RBFOX1: variants seen among roughly 807,000 people sequenced by gnomAD.
The protein encoded by RBFOX1 is RNA binding fox-1 homolog 1.
Under a neutral mutation model 57.7 loss-of-function variants are expected in RBFOX1, and 8 were observed. The observed-to-expected ratio is 0.14, with a 90% CI of 0.08 to 0.25. The LOEUF is 0.25. Among genes scored for constraint, RBFOX1 ranks in the 10% least tolerant of loss-of-function variants. The probability of loss-of-function intolerance (pLI) is 1.00; values close to 1 mark genes in which losing one functional copy is unlikely to be tolerated. For synonymous variants in RBFOX1, 326 were observed against 222.4 expected (o/e 1.47, Z -4.15); for missense variants, 611 against 548.5 (o/e 1.11, Z -1.14).
chr16:6,516,471 A>G (rs2096380516), intron 2 of RBFOX1, among the ~76,000 whole-genome samples: 1 of 152,194 alleles, frequency 6.6e-6, no homozygotes, highest in South Asian at 2.1e-4. Context: ...TGTTGTTAAG[A>G]TTATTTTATG....
intron 5 of RBFOX1, among the ~76,000 whole-genome samples, 161 bp from the exon 6 acceptor site, chr16:7,579,616 C>T (rs2093598721): frequency 6.6e-6 from 1 of 152,202 alleles, no homozygotes; most frequent in Non-Finnish European, 1.5e-5. Context: ...GCTCAGAAAA[C>T]ACTTGCTGAA....
At chr16:6,414,794 G>A (rs936038101) in intron 2 of RBFOX1, among the ~76,000 whole-genome samples, 1 of 152,154 alleles carries the variant, frequency 6.6e-6, no homozygotes, top group South Asian at 2.1e-4. Context: ...ATTTGGCAAT[G>A]TCTGTCTTGA....
At chr16:5,339,084 G>A (rs961566105) in intron 1 of RBFOX1, among the ~76,000 whole-genome samples, 2 of 151,666 alleles carry the variant, frequency 1.3e-5, no homozygotes, top group African/African-American at 2.4e-5. Context: ...CAGTTACCAC[G>A]ATGTACAGTA....
intron 4 of RBFOX1, among the ~76,000 whole-genome samples, chr16:5,990,374 A>G (rs144785059): frequency 4.4e-4 from 67 of 152,362 alleles, no homozygotes; most frequent in Non-Finnish European, 8.2e-4. Context: ...ACAACATTAT[A>G]TACCATAGGC....
chr16:6,849,516 A>C lies in RBFOX1; in HGVS notation c.-16+194866A>C, dbSNP rs145231698. On this transcript the variant is annotated intron_variant, in intron 3 of 15. Transcript: ENST00000550418. ...AACCCTATCTCTACTAAACAATACA[A>C]AAATTAGCTGGGTATGGTGGTGCAT... Among the ~76,000 whole-genome samples, 593 of 152,226 alleles carry C rather than the reference A, an allele frequency of 3.9e-3. 4 individuals carry two copies. The highest frequency in any genetic ancestry group is 0.02 in the Middle Eastern group (6 of 294).
rs1368532253 is a variant in RBFOX1 at position 5,947,496 on chromosome 16, A to C, written c.351+80161A>C. The stretch of plus-strand genomic sequence containing the variant: ...CATTTTCCTGCCTCTGCCAGTTTTT[A>C]AAATTTTTAGAGACAGGGGTCTCTG... On this transcript the variant is annotated intron_variant, in intron 4 of 19. Coordinates refer to the RBFOX1 transcript ENST00000641259. This position sits in a 1 kb window ranked among gnomAD's most constrained non-coding sequence, Gnocchi z 7.2. Among the ~76,000 whole-genome samples the C allele has an allele frequency of 6.6e-6, 1 of 152,140 alleles. No homozygotes were observed. Among genetic ancestry groups the C allele is most frequent in the African/African-American group, 2.4e-5 (1 of 41,492 alleles).
chr16:6,168,641 T>C (rs1021344363), intron 1 of RBFOX1, among the ~76,000 whole-genome samples: 3 of 152,288 alleles, frequency 2.0e-5, no homozygotes, highest in Non-Finnish European at 2.9e-5. Flanking sequence ...CCTTTAGAAC[T>C]TTCTGATACC....
At chr16:5,282,927 G>A (rs1427340923) in intron 1 of RBFOX1, among the ~76,000 whole-genome samples, 1 of 152,200 alleles carries the variant, frequency 6.6e-6, no homozygotes, top group Non-Finnish European at 1.5e-5. Flanking sequence ...GCATGTCACA[G>A]GTCTTCATGG....
At chr16:5,856,179 C>G (rs866598949) in intron 3 of RBFOX1, among the ~76,000 whole-genome samples, 2 of 54,422 alleles carry the variant, frequency 3.7e-5, no homozygotes, top group East Asian at 4.4e-4. Context: ...CTCTCTCTCT[C>G]TCTCTCTCTA....
intron 2 of RBFOX1, among the ~76,000 whole-genome samples, chr16:6,614,780 A>G (rs541165132): frequency 9.2e-5 from 14 of 151,996 alleles, no homozygotes; most frequent in Non-Finnish European, 1.5e-4. Context: ...TGGCCATTTT[A>G]TTTATGAGGA....
intron 1 of RBFOX1, among the ~76,000 whole-genome samples, chr16:5,285,055 A>T (rs536623474): frequency 5.3e-5 from 8 of 152,088 alleles, no homozygotes; most frequent in Non-Finnish European, 8.8e-5. Context: ...TAGGTTTTCT[A>T]TGCCTTTACC....
chr16:7,310,747 C>T (rs1174470035), intron 4 of RBFOX1, among the ~76,000 whole-genome samples: 1 of 152,206 alleles, frequency 6.6e-6, no homozygotes, highest in African/African-American at 2.4e-5. Context: ...ACTTTCCCAG[C>T]ATACGTGGAA....
intron 1 of RBFOX1, among the ~76,000 whole-genome samples, chr16:6,305,895 C>T (rs999772073): frequency 2.0e-5 from 3 of 152,010 alleles, no homozygotes; most frequent in Admixed American, 2.0e-4. Flanking sequence ...TAACTGACCC[C>T]TTAGGAGCTG....
chr16:5,404,128 A>C (rs1038960540), intron 1 of RBFOX1, among the ~76,000 whole-genome samples: 1 of 151,564 alleles, frequency 6.6e-6, no homozygotes, highest in African/African-American at 2.4e-5. Flanking sequence ...GGGGATGATT[A>C]ACACTGGAGA....
At chr16:6,395,777 CATG>C (rs2092804552) in intron 2 of RBFOX1, among the ~76,000 whole-genome samples, 1 of 151,998 alleles carries the variant, frequency 6.6e-6, no homozygotes, top group Admixed American at 6.6e-5. Flanking sequence ...TGTTTTTTAA[CATG>C]AGGGCCTTGC....
intron 4 of RBFOX1, among the ~76,000 whole-genome samples, chr16:7,156,003 C>A (rs2077036842): frequency 6.6e-6 from 1 of 150,812 alleles, no homozygotes; most frequent in Admixed American, 6.6e-5. Flanking sequence ...ATATATATAT[C>A]TACACACACA....
intron 4 of RBFOX1, among the ~76,000 whole-genome samples, chr16:7,086,888 G>C (rs2060075383): frequency 6.6e-6 from 1 of 152,170 alleles, no homozygotes; most frequent in Non-Finnish European, 1.5e-5. Context: ...TTGATTTGCT[G>C]AATTGGCACA....
intron 11 of RBFOX1, among the ~76,000 whole-genome samples, chr16:7,635,208 T>C (rs755988166): frequency 6.6e-6 from 1 of 152,222 alleles, no homozygotes; most frequent in Non-Finnish European, 1.5e-5. Context: ...TTTTCATTAG[T>C]TGAAGTATCT....
intron 2 of RBFOX1, among the ~76,000 whole-genome samples, chr16:6,362,215 A>T (rs189263703): frequency 2.1e-5 from 3 of 144,938 alleles, no homozygotes; most frequent in African/African-American, 7.4e-5. Flanking sequence ...CTAAAATTTG[A>T]TGTAATCGAT....
Sources: gnomAD v4.1 joint callset for allele counts (sites outside exome capture counted in the v4.1 genomes callset) on GRCh38, gnomAD v4.1.1 for gene constraint, Gnocchi (gnomAD v3.1) non-coding constraint, MANE v1.5 for transcripts, NCBI Gene and HGNC (gene_info 2026-07-23, HGNC 2026-07-21) for gene names.